Variants in CDK14 observed in about 807,000 individuals in gnomAD.
CDK14 encodes cyclin-dependent kinase 14.
A neutral mutation model predicts 60.7 loss-of-function variants in CDK14; 34 were observed. The observed-to-expected ratio is 0.56, with a 90% CI of 0.43 to 0.75. The LOEUF (loss-of-function observed/expected upper bound fraction) is 0.75. CDK14 is among the 30% of genes least tolerant of loss of function. The pLI is 0.00. For synonymous variants in CDK14, 197 were observed against 203.7 expected (o/e 0.97, Z 0.28); for missense variants, 482 against 564.1 (o/e 0.85, Z 1.47).
At chr7:90,625,548 C>G (rs1410548166) in intron 2 of CDK14, among the ~76,000 whole-genome samples, 2 of 152,164 alleles carry the variant, frequency 1.3e-5, no homozygotes, top group African/African-American at 4.8e-5. Flanking sequence ...CTTGGACATT[C>G]ATTTTTTAAA....
chr7:90,958,800 C>T (rs1432513523), intron 9 of CDK14, among the ~76,000 whole-genome samples: 1 of 152,062 alleles, frequency 6.6e-6, no homozygotes, highest in Non-Finnish European at 1.5e-5. Context: ...CAGTTAGGGA[C>T]TCTGCTAATA....
At chr7:90,696,861 G>A (rs150762797) in intron 2 of CDK14, among the ~76,000 whole-genome samples, 1 of 152,304 alleles carries the variant, frequency 6.6e-6, no homozygotes, top group East Asian at 1.9e-4. Context: ...GGCAGAGCCA[G>A]TGAAGTAGGA....
intron 9 of CDK14, among the ~76,000 whole-genome samples, chr7:90,983,862 TAGA>T (rs1348347008): frequency 1.3e-5 from 2 of 151,916 alleles, no homozygotes; most frequent in Non-Finnish European, 2.9e-5. Flanking sequence ...TAGAGACTAC[TAGA>T]AGGAGGAGGA....
intron 10 of CDK14, among the ~76,000 whole-genome samples, chr7:91,002,340 AAT>A (rs1795862257): frequency 6.6e-6 from 1 of 152,134 alleles, no homozygotes; most frequent in Non-Finnish European, 1.5e-5. Context: ...TTTATGTTAT[AAT>A]ATCTCTTATA....
intron 12 of CDK14, among the ~76,000 whole-genome samples, chr7:91,086,349 C>G (rs1798639201): frequency 6.6e-6 from 1 of 152,178 alleles, no homozygotes; most frequent in African/African-American, 2.4e-5. Context: ...ACGCTGTTCC[C>G]TCCTGAGGGG....
At chr7:90,615,750 T>G (rs189813874) in intron 2 of CDK14, among the ~76,000 whole-genome samples, 6 of 152,232 alleles carry the variant, frequency 3.9e-5, no homozygotes, top group Admixed American at 2.6e-4. Flanking sequence ...TAACGGATTT[T>G]CAAAAAAGGA....
chr7:90,881,589 C>G (rs1791755600), intron 6 of CDK14, among the ~76,000 whole-genome samples: 1 of 152,082 alleles, frequency 6.6e-6, no homozygotes, highest in Non-Finnish European at 1.5e-5. Context: ...ACAGAGAACA[C>G]CACTAAGATA....
chr7:90,907,866 A>T (rs1327051451), intron 7 of CDK14, among the ~76,000 whole-genome samples: 1 of 152,162 alleles, frequency 6.6e-6, no homozygotes, highest in East Asian at 1.9e-4. Flanking sequence ...TACAGATGGC[A>T]CTGAGAATTG....
At chr7:90,941,980 G>A (rs772205610) in intron 8 of CDK14, among the ~76,000 whole-genome samples, 8 of 152,072 alleles carry the variant, frequency 5.3e-5, no homozygotes, top group South Asian at 2.1e-4. Context: ...TTTCTTAGTC[G>A]GCTACAATGC....
At chr7:90,621,687 G>GCCTTCCTGCCTTCCTGCCTTCCTT (rs1563018827) in intron 2 of CDK14, among the ~76,000 whole-genome samples, 24 of 132,500 alleles carry the variant, frequency 1.8e-4, no homozygotes, top group Admixed American at 9.0e-4. Context: ...CTGCCTTCCT[G>GCCTTCCTGCCTTCCTGCCTTCCTT]CCTTCCTTCC....
intron 6 of CDK14, among the ~76,000 whole-genome samples, chr7:90,888,050 T>C (rs1792006147): frequency 6.6e-6 from 1 of 152,158 alleles, no homozygotes; most frequent in Admixed American, 6.6e-5. Context: ...CCAGAATTAC[T>C]GTTTTGAAAA....
At chr7:91,036,192 T>C (rs1796930036) in intron 10 of CDK14, among the ~76,000 whole-genome samples, 1 of 152,184 alleles carries the variant, frequency 6.6e-6, no homozygotes, top group African/African-American at 2.4e-5. Flanking sequence ...GGGGCAGCAG[T>C]CTGACATGAG....
intron 9 of CDK14, among the ~76,000 whole-genome samples, chr7:90,957,309 A>G (rs975559807): frequency 6.6e-6 from 1 of 152,164 alleles, no homozygotes; most frequent in African/African-American, 2.4e-5. Flanking sequence ...TTGCGATTCT[A>G]ACTGGTGTGA....
intron 10 of CDK14, among the ~76,000 whole-genome samples, chr7:91,002,442 T>C (rs574321453): frequency 2.6e-5 from 4 of 152,368 alleles, no homozygotes; most frequent in Admixed American, 6.5e-5. Context: ...CTGATTTTTC[T>C]TAGCTGTTTA....
chr7:91,063,412 G>A (rs976418472), intron 11 of CDK14, among the ~76,000 whole-genome samples: 3 of 152,224 alleles, frequency 2.0e-5, no homozygotes, highest in African/African-American at 7.2e-5. Flanking sequence ...CGTAAGATCT[G>A]ATAAGATTTC....
intron 5 of CDK14, among the ~76,000 whole-genome samples, chr7:90,830,174 C>T (rs998435499): frequency 4.6e-5 from 7 of 152,202 alleles, no homozygotes; most frequent in African/African-American, 1.2e-4. Context: ...TCTATAAGGA[C>T]TCCTCCCCTG....
At chr7:90,685,831 CTCCAG>C (rs2116572919) in intron 2 of CDK14, among the ~76,000 whole-genome samples, 1 of 152,108 alleles carries the variant, frequency 6.6e-6, no homozygotes, top group African/African-American at 2.4e-5. Context: ...CAAGTTCTCT[CTCCAG>C]TCATTTTCCT....
chr7:90,721,501 G>A (rs1457337381), intron 2 of CDK14, among the ~76,000 whole-genome samples: 1 of 152,050 alleles, frequency 6.6e-6, no homozygotes, highest in East Asian at 1.9e-4. Context: ...AGCTCCTTTA[G>A]GCAGATTCCT....
intron 14 of CDK14, among the ~76,000 whole-genome samples, chr7:91,195,584 G>A (rs1802510256): frequency 1.3e-5 from 2 of 152,168 alleles, no homozygotes; most frequent in South Asian, 4.1e-4. Flanking sequence ...TATTTCTCAT[G>A]GGTGGAATAA....
Sources: allele counts gnomAD v4.1 joint callset (sites outside exome capture counted in the v4.1 genomes callset), GRCh38; gene constraint gnomAD v4.1.1; transcripts MANE v1.5; gene names NCBI Gene and HGNC (gene_info 2026-07-23, HGNC 2026-07-21).